UCHL3: variants seen among roughly 807,000 people sequenced by gnomAD.
UCHL3 encodes the protein ubiquitin C-terminal hydrolase L3, also known as ubiquitin carboxyl-terminal hydrolase isozyme L3.
In UCHL3, 22 loss-of-function variants were observed where a neutral mutation model predicts 35.8. The ratio of observed to expected loss-of-function variants is 0.61; its 90% confidence interval spans 0.44 to 0.88. The LOEUF (loss-of-function observed/expected upper bound fraction) is 0.88. Ranked by LOEUF, UCHL3 falls within the 40% of genes least tolerant of loss-of-function variation. The probability of loss-of-function intolerance (pLI) is 0.00; values close to 1 mark genes in which losing one functional copy is unlikely to be tolerated. For synonymous variants in UCHL3, 90 were observed against 92.8 expected, an observed-to-expected ratio of 0.97 and a Z score of 0.17; for missense variants, 229 against 276.9, an observed-to-expected ratio of 0.83 and a Z score of 1.23.
chr13:75,575,244 C>T (rs1364115956), intron 6 of UCHL3, among the ~76,000 whole-genome samples: 1 of 152,204 alleles, frequency 6.6e-6, no homozygotes, highest in East Asian at 1.9e-4. Context: ...CTCCATCCCA[C>T]CGTGATTGTC....
rs1309249042 is a variant in UCHL3, at chr13:75,605,843, A to G, written c.*31A>G. On this transcript the variant is annotated 3_prime_UTR_variant, in exon 9 of 9. Transcript: ENST00000377595. ...CAATAATGGAAACACCAAAAACTGT[A>G]TTATTTGCAACTAAATTTTCTCTGC... The G allele has an allele frequency of 1.9e-6, 3 of 1,604,744 alleles. No individual in the cohort carries two copies. In the African/African-American group the frequency reaches 4.0e-5, roughly 22 times the overall value.
chr13:75,566,882 C>A (rs770330271), intron 4 of UCHL3, 31 bp downstream of exon 4: 13 of 1,566,364 alleles, frequency 8.3e-6, no homozygotes, highest in Non-Finnish European at 1.1e-5. Context: ...GCATTTTTTC[C>A]CCCTTAAGAT....
intron 3 of UCHL3, among the ~76,000 whole-genome samples, chr13:75,564,928 T>G (rs1371162347): frequency 6.6e-6 from 1 of 151,862 alleles, no homozygotes; most frequent in Non-Finnish European, 1.5e-5. Context: ...ACTCCTGACC[T>G]CAGATGATCC....
intron 2 of UCHL3, among the ~76,000 whole-genome samples, chr13:75,558,939 G>A (rs2031385713): frequency 1.3e-5 from 2 of 151,138 alleles, no homozygotes; most frequent in Admixed American, 1.3e-4. Flanking sequence ...GGAGCAGGAA[G>A]TAGTTCGAAG....
intron 7 of UCHL3, among the ~76,000 whole-genome samples, chr13:75,596,524 T>G (rs2032650042): frequency 6.6e-6 from 1 of 152,196 alleles, no homozygotes. Flanking sequence ...GTGCTGGGAC[T>G]TAACAGACAC....
intron 2 of UCHL3, among the ~76,000 whole-genome samples, chr13:75,558,766 CTG>C (rs2031379965): frequency 6.6e-6 from 1 of 152,114 alleles, no homozygotes. Flanking sequence ...CCTTGGGTGT[CTG>C]TGATTCAGCC....
chr13:75,602,644 T>C (rs1324913487), intron 7 of UCHL3, among the ~76,000 whole-genome samples: 2 of 152,208 alleles, frequency 1.3e-5, no homozygotes, highest in African/African-American at 4.8e-5. Flanking sequence ...TTACATTTTA[T>C]TGTTTTGGCA....
At chr13:75,576,477 C>T (rs1704312203) in intron 6 of UCHL3, among the ~76,000 whole-genome samples, 1 of 152,080 alleles carries the variant, frequency 6.6e-6, no homozygotes, top group South Asian at 2.1e-4. Context: ...GCCTCAGCCT[C>T]CCAAGTAGCT....
At chr13:75,596,257 C>G (rs2032643428) in intron 7 of UCHL3, among the ~76,000 whole-genome samples, 1 of 152,122 alleles carries the variant, frequency 6.6e-6, no homozygotes, top group Non-Finnish European at 1.5e-5. Context: ...AATGTGCAAC[C>G]CTGAGCGTTG....
At chr13:75,555,319 C>T (rs575985337) in intron 2 of UCHL3, among the ~76,000 whole-genome samples, 5 of 152,208 alleles carry the variant, frequency 3.3e-5, no homozygotes, top group Admixed American at 6.5e-5. Context: ...TTATTTTCTT[C>T]ACAGTACTTC....
intron 7 of UCHL3, among the ~76,000 whole-genome samples, chr13:75,600,440 A>G (rs1449837953): frequency 2.0e-5 from 3 of 152,198 alleles, no homozygotes; most frequent in South Asian, 2.1e-4. Context: ...GTTAATGCAG[A>G]CGGTGACTTT....
intron 3 of UCHL3, among the ~76,000 whole-genome samples, chr13:75,561,840 T>TATATGTATAC (rs2031521631): frequency 6.8e-6 from 1 of 147,664 alleles, no homozygotes; most frequent in African/African-American, 2.5e-5. Flanking sequence ...CGTATATACG[T>TATATGTATAC]ATACGTATAC....
At chr13:75,573,756 A>T (rs2031936169) in intron 6 of UCHL3, among the ~76,000 whole-genome samples, 1 of 152,216 alleles carries the variant, frequency 6.6e-6, no homozygotes, top group Non-Finnish European at 1.5e-5. Flanking sequence ...CAAGTTTTCA[A>T]ATATAGTCAC....
intron 6 of UCHL3, among the ~76,000 whole-genome samples, chr13:75,581,502 A>T (rs895015434): frequency 2.0e-5 from 3 of 146,646 alleles, no homozygotes; most frequent in Non-Finnish European, 4.5e-5. Context: ...GGCATGTACC[A>T]TCACACCTGG....
chr13:75,549,590 G>A, upstream of UCHL3: 1 of 462,724 alleles, frequency 2.2e-6, no homozygotes, highest in South Asian at 5.1e-5. Flanking sequence ...ATAGGAAATT[G>A]GCTTATTTTT....
intron 6 of UCHL3, among the ~76,000 whole-genome samples, chr13:75,583,886 C>T (rs2032253141): frequency 6.6e-6 from 1 of 152,174 alleles, no homozygotes; most frequent in African/African-American, 2.4e-5. Context: ...TATAAAATTC[C>T]TGTAAACAGC....
At chr13:75,586,562 T>C (rs12861744) in intron 6 of UCHL3, among the ~76,000 whole-genome samples, 16,787 of 152,044 alleles carry the variant, frequency 0.11, 1,171 homozygotes, top group Non-Finnish European at 0.16. Flanking sequence ...AATACAACAG[T>C]TGAATATACA....
intron 6 of UCHL3, chr13:75,589,832 ATAG>A (rs2032427294): frequency 1.4e-5 from 13 of 897,858 alleles, no homozygotes; most frequent in African/African-American, 1.8e-5. Flanking sequence ...GTTATTAAAA[ATAG>A]TAGACCATAT....
intron 6 of UCHL3, among the ~76,000 whole-genome samples, chr13:75,573,055 A>G (rs1018467619): frequency 1.3e-5 from 2 of 152,170 alleles, no homozygotes; most frequent in Non-Finnish European, 2.9e-5. Flanking sequence ...ACCTGAGTTC[A>G]GGAGCTCAAG....
Sources: allele counts gnomAD v4.1 joint callset (sites outside exome capture counted in the v4.1 genomes callset), GRCh38; gene constraint gnomAD v4.1.1; transcripts MANE v1.5; gene names NCBI Gene and HGNC (gene_info 2026-07-23, HGNC 2026-07-21).